The following UGT8 variants were observed in gnomAD, a reference collection of about 807,000 sequenced individuals.
The protein encoded by UGT8 is 2-hydroxyacylsphingosine 1-beta-galactosyltransferase.
A neutral mutation model predicts 40.5 loss-of-function variants in UGT8; 12 were observed. That is an observed-to-expected ratio of 0.30 (90% CI 0.19 to 0.48). The LOEUF (loss-of-function observed/expected upper bound fraction) is 0.48, where lower values mean the gene tolerates loss of function less well. Among genes scored for constraint, UGT8 ranks in the 20% least tolerant of loss-of-function variants. The probability of loss-of-function intolerance (pLI) is 0.99; values close to 1 mark genes in which losing one functional copy is unlikely to be tolerated. For synonymous variants in UGT8, 224 were observed against 240.4 expected, an observed-to-expected ratio of 0.93 and a Z score of 0.63; for missense variants, 513 against 648.7, an observed-to-expected ratio of 0.79 and a Z score of 2.27.
At chr4:114,598,475 A>T (rs936066546), upstream of UGT8, 75 of 152,334 alleles carry the variant, frequency 4.9e-4, no homozygotes, top group African/African-American at 1.8e-3. Context: ...CGCTCAGCGG[A>T]CGACTGGCCG....
chr4:114,676,211 G>A lies in UGT8; in HGVS notation c.1549G>A (p.Gly517Arg). 1.2e-6 allele frequency: 2 copies of A among 1,613,844 alleles called. No homozygotes were observed. The highest frequency in any genetic ancestry group is 2.2e-5 in the East Asian group (1 of 44,878). Residue 517 changes from glycine (G) to arginine (R), a missense_variant, in exon 6 of 6, where the codon GGA (glycine) becomes AGA (arginine). Physicochemically the swap from Gly to Arg is moderately radical, Grantham distance 125. Around this residue, in one of 3 missense-constraint regions of UGT8, gnomAD observed 175 missense variants for 186.7 expected, o/e 0.94. Transcript: ENST00000310836. ...WSRNKHSTVN[G>R]HYHNGILNGK... Reference sequence around the variant, plus strand: ...TAGAAATAAGCATAGCACAGTTAATGGACATTACCACAATGGAATCCTCAA... The same window carrying A: ...TAGAAATAAGCATAGCACAGTTAATAGACATTACCACAATGGAATCCTCAA...
intron 2 of UGT8, chr4:114,656,882 A>G (rs1734225582): frequency 8.3e-6 from 4 of 479,970 alleles, no homozygotes; most frequent in Non-Finnish European, 1.7e-5. Context: ...TAAAAAATAT[A>G]AACTCTCTGA....
intron 4 of UGT8, 118 bp from the exon 5 acceptor site, chr4:114,667,967 G>A (rs1734993056): frequency 2.1e-6 from 3 of 1,455,308 alleles, no homozygotes; most frequent in Admixed American, 5.2e-5. Context: ...TACACCTTTA[G>A]GAATCCTTTA....
At chr4:114,658,993 A>C (rs578111634) in intron 2 of UGT8, among the ~76,000 whole-genome samples, 3 of 152,168 alleles carry the variant, frequency 2.0e-5, no homozygotes, top group Non-Finnish European at 4.4e-5. Flanking sequence ...TACCGGCTTA[A>C]GCTGGACAGT....
chr4:114,673,021 C>A (rs1735397690), intron 5 of UGT8, among the ~76,000 whole-genome samples: 1 of 152,136 alleles, frequency 6.6e-6, no homozygotes, highest in South Asian at 2.1e-4. Context: ...TCGCACATAT[C>A]CAACCTGTGG....
chr4:114,649,681 G>A lies in UGT8; in HGVS notation c.823-14314G>A, dbSNP rs547203447. On this transcript the variant is annotated intron_variant, in intron 2 of 5. Coordinates refer to ENST00000310836, the MANE Select transcript of UGT8 (RefSeq NM_001128174.3). ...TGGCTAGCTATGTGTCCACACTTAC[G>A]TTCAGCTAAGACTAGAAAATGTAGT... is the stretch of plus-strand genomic sequence containing the variant. Among the ~76,000 whole-genome samples the A allele has an allele frequency of 5.3e-5, 8 of 152,148 alleles. No homozygotes were observed. In the South Asian group the frequency reaches 1.7e-3, roughly 32 times the overall value.
chr4:114,658,737 G>A (rs1734342600), intron 2 of UGT8, among the ~76,000 whole-genome samples: 1 of 152,140 alleles, frequency 6.6e-6, no homozygotes, highest in Non-Finnish European at 1.5e-5. Context: ...CGGATAGGGG[G>A]ATGAGTATAT....
chr4:114,655,679 T>C (rs1210947840), intron 2 of UGT8, among the ~76,000 whole-genome samples: 1 of 151,964 alleles, frequency 6.6e-6, no homozygotes, highest in Non-Finnish European at 1.5e-5. Context: ...TCCAAAACAT[T>C]GATATATATT....
chr4:114,629,006 T>G (rs2126103628), intron 2 of UGT8, among the ~76,000 whole-genome samples: 2 of 152,100 alleles, frequency 1.3e-5, no homozygotes, highest in South Asian at 2.1e-4. Context: ...TACTTCCTAT[T>G]ACATATGGTG....
In UGT8 at chr4:114,634,151, C is replaced by A. The variant is rs565680935; in HGVS notation, c.822+10449C>A. Among the ~76,000 whole-genome samples, 14 of 152,212 alleles carry A rather than the reference C, an allele frequency of 9.2e-5. No homozygotes were observed. In the South Asian group the frequency reaches 2.9e-3, roughly 32 times the overall value. ...TTGAGTGATGGGCGGTTCTAAAAAA[C>A]CCAGTTTTCTTGCTTGAGCAACTGG... On this transcript the variant is annotated intron_variant, in intron 2 of 5. Transcript: ENST00000310836.
chr4:114,649,182 T>C (rs1428242462), intron 2 of UGT8, among the ~76,000 whole-genome samples: 5 of 152,202 alleles, frequency 3.3e-5, no homozygotes, highest in African/African-American at 4.8e-5. Flanking sequence ...ATTCTAGTTT[T>C]AAAGCAACTC....
chr4:114,675,664 C>T (rs376087772), intron 5 of UGT8, among the ~76,000 whole-genome samples: 6 of 122,136 alleles, frequency 4.9e-5, no homozygotes, highest in Non-Finnish European at 8.1e-5. Context: ...GGCGTGAACC[C>T]GGGAGGCGGA....
At chr4:114,645,395 G>A (rs1199090163) in intron 2 of UGT8, among the ~76,000 whole-genome samples, 1 of 152,128 alleles carries the variant, frequency 6.6e-6, no homozygotes, top group Non-Finnish European at 1.5e-5. Context: ...GAGAAGATGA[G>A]TAATATCATT....
chr4:114,630,320 G>C (rs1732489627), intron 2 of UGT8, among the ~76,000 whole-genome samples: 1 of 152,246 alleles, frequency 6.6e-6, no homozygotes, highest in South Asian at 2.1e-4. Context: ...CGACTCTTTT[G>C]GTTAAAGGAA....
chr4:114,675,938 G>T lies in UGT8; in HGVS notation c.1276G>T (p.Ala426Ser). The T allele has an allele frequency of 6.2e-7, 1 of 1,613,074 alleles. No individual in the cohort carries two copies. The highest frequency in any genetic ancestry group is 8.5e-7 in the Non-Finnish European group (1 of 1,179,310). ...VINNPSYRQR[A>S]QKLSEIHKDQ... ...CCCTCTCCATAGCTACCGTCAGAGG[G>T]CTCAGAAGCTTTCGGAAATTCACAA... The change falls in exon 6 of 6, where the codon GCT (alanine) becomes TCT (serine). Residue 426 changes from alanine to serine, a missense_variant. By Grantham distance (99) the Ala-to-Ser change is moderately conservative. This residue lies in a region of UGT8 where 175 missense variants were observed against 186.7 expected (regional missense o/e 0.94). Transcript: ENST00000310836.
chr4:114,600,596 A>G (rs1158747475), intron 1 of UGT8, among the ~76,000 whole-genome samples: 7 of 152,198 alleles, frequency 4.6e-5, no homozygotes, highest in Admixed American at 4.6e-4. Flanking sequence ...TTTGTTTTAC[A>G]TATTATTTCA....
intron 2 of UGT8, among the ~76,000 whole-genome samples, chr4:114,640,425 C>T (rs1266640683): frequency 6.6e-6 from 1 of 152,044 alleles, no homozygotes; most frequent in Non-Finnish European, 1.5e-5. Flanking sequence ...CTCAAGTAGG[C>T]CCTAGCTGAC....
intron 2 of UGT8, among the ~76,000 whole-genome samples, chr4:114,655,938 G>A (rs1355645337): frequency 2.6e-5 from 4 of 152,010 alleles, no homozygotes; most frequent in Non-Finnish European, 1.5e-5. Flanking sequence ...TGATGTTGTT[G>A]AAGGATATCG....
chr4:114,654,404 G>T (rs1734054343), intron 2 of UGT8, among the ~76,000 whole-genome samples: 1 of 151,996 alleles, frequency 6.6e-6, no homozygotes, highest in Admixed American at 6.6e-5. Flanking sequence ...TCAGCCCCTA[G>T]AGCTGCAAAA....
Sources: gnomAD v4.1 joint callset for allele counts (sites outside exome capture counted in the v4.1 genomes callset) on GRCh38, gnomAD v4.1.1 for gene constraint, gnomAD v4.1.1 regional missense constraint, MANE v1.5 for transcripts, NCBI Gene and HGNC (gene_info 2026-07-23, HGNC 2026-07-21) for gene names.